The following GNB1 variants were observed in gnomAD, a reference collection of about 807,000 sequenced individuals.
GNB1 encodes G protein subunit beta 1.
A neutral mutation model predicts 42.9 loss-of-function variants in GNB1; 2 were observed. That is an observed-to-expected ratio of 0.05 (90% CI 0.02 to 0.15). The LOEUF is 0.15. Ranked by LOEUF, GNB1 falls within the 10% of genes least tolerant of loss-of-function variation. The pLI is 1.00. For synonymous variants in GNB1, 183 were observed against 174.7 expected, an observed-to-expected ratio of 1.05 and a Z score of -0.38; for missense variants, 193 against 462.2, an observed-to-expected ratio of 0.42 and a Z score of 5.34.
At chr1:1,849,703 T>C (rs1302985431) in intron 1 of GNB1, among the ~76,000 whole-genome samples, 1 of 152,068 alleles carries the variant, frequency 6.6e-6, no homozygotes, top group Non-Finnish European at 1.5e-5. Context: ...GCCTGGCCTG[T>C]ATGAAATACT....
At chr1:1,885,059 C>T (rs1378596650) in intron 1 of GNB1, among the ~76,000 whole-genome samples, 1 of 151,750 alleles carries the variant, frequency 6.6e-6, no homozygotes, top group Admixed American at 6.6e-5. Context: ...AAGTTTGGAG[C>T]AATGAATTAT....
chr1:1,886,029 C>T lies in GNB1; in HGVS notation c.-96+4791G>A, dbSNP rs1300946973. ...AGGTTTAAAAAAGCTTTCAGCATTC[C>T]GGCAGGGCACGGTGGCTCACGCCTG... On this transcript the variant is annotated intron_variant, in intron 1 of 11. Coordinates refer to ENST00000378609, the MANE Select transcript of GNB1 (RefSeq NM_002074.5). Among the ~76,000 whole-genome samples, 6 of 151,418 alleles carry T rather than the reference C, an allele frequency of 4.0e-5. No individual in the cohort carries two copies. The East Asian group carries it at 9.7e-4, about 25-fold the overall frequency.
At position 1,841,503 on chromosome 1, in the gene GNB1, C is replaced by T. The variant is rs566080242; in HGVS notation, c.-95-2265G>A. Among the ~76,000 whole-genome samples the T allele has an allele frequency of 1.3e-4, 20 of 152,308 alleles. 1 individual carries two copies. Among genetic ancestry groups the T allele is most frequent in the African/African-American group, 3.4e-4 (14 of 41,566 alleles). ...CCTGATTTCAGAACATTTAAAGATG[C>T]TTCTGTAATCGCTCCCTCAAATTAA... is the stretch of plus-strand genomic sequence containing the variant. On this transcript the variant is annotated intron_variant, in intron 1 of 11. Coordinates refer to ENST00000378609, the MANE Select transcript of GNB1 (RefSeq NM_002074.5).
At chr1:1,806,324 A>C (rs557288106) in intron 6 of GNB1, 151 bp downstream of exon 6, 1 of 562,558 alleles carries the variant, frequency 1.8e-6, no homozygotes, top group African/African-American at 1.9e-5. Flanking sequence ...CTCAGCTTCT[A>C]TCTCACCTGC....
chr1:1,831,071 G>A (rs1647069395), intron 2 of GNB1, among the ~76,000 whole-genome samples: 2 of 152,152 alleles, frequency 1.3e-5, no homozygotes, highest in South Asian at 2.1e-4. Flanking sequence ...AGGCTTAGGT[G>A]GGAGAACGGC....
chr1:1,822,454 C>G (rs547118911), intron 3 of GNB1, among the ~76,000 whole-genome samples: 1 of 151,798 alleles, frequency 6.6e-6, no homozygotes, highest in African/African-American at 2.4e-5. Context: ...AGGCGCCCAC[C>G]ACCACCACAC....
chr1:1,814,970 A>T lies in GNB1; in HGVS notation c.203+786T>A, dbSNP rs372999251. 2.0e-5 allele frequency among the ~76,000 whole-genome samples: 3 copies of T among 151,812 alleles called. No individual in the cohort carries two copies. The East Asian group carries it at 5.8e-4, about 29-fold the overall frequency. On this transcript the variant is annotated intron_variant, in intron 5 of 11. Transcript: ENST00000378609. The stretch of plus-strand genomic sequence containing the variant: ...TACTAAAAATACAAAAAAATTAGCC[A>T]GTGTGGTGGCAGGCGCCTGTAGTCC...
chr1:1,856,929 A>C (rs917048017), intron 1 of GNB1, among the ~76,000 whole-genome samples: 22 of 152,240 alleles, frequency 1.4e-4, no homozygotes, highest in African/African-American at 5.3e-4. Flanking sequence ...TATCCTACAA[A>C]ACAGTAATAC....
At chr1:1,802,152 C>G (rs1646634746) in intron 7 of GNB1, among the ~76,000 whole-genome samples, 1 of 152,130 alleles carries the variant, frequency 6.6e-6, no homozygotes, top group African/African-American at 2.4e-5. Context: ...CATAGAAAGA[C>G]ACAGAATATT....
chr1:1,815,616 C>T, intron 5 of GNB1, 140 bp downstream of exon 5: 1 of 608,272 alleles, frequency 1.6e-6, no homozygotes, highest in Non-Finnish European at 3.0e-6. Context: ...AACGCTGCAC[C>T]TTGCGTGCCC....
intron 1 of GNB1, among the ~76,000 whole-genome samples, chr1:1,847,250 T>C (rs1647718524): frequency 6.6e-6 from 1 of 152,162 alleles, no homozygotes; most frequent in South Asian, 2.1e-4. Context: ...GGGGAAGAGA[T>C]AAACACCAGT....
chr1:1,851,583 T>A (rs1019186766), intron 1 of GNB1, among the ~76,000 whole-genome samples: 7 of 151,766 alleles, frequency 4.6e-5, no homozygotes, highest in Middle Eastern at 3.4e-3. Context: ...AAATTTAATT[T>A]AAAAAAATAT....
At chr1:1,832,719 C>T (rs1477259591) in intron 2 of GNB1, among the ~76,000 whole-genome samples, 2 of 152,208 alleles carry the variant, frequency 1.3e-5, no homozygotes, top group East Asian at 3.9e-4. Context: ...GCCCTCAGGA[C>T]CCCATATTAC....
intron 1 of GNB1, among the ~76,000 whole-genome samples, chr1:1,853,072 A>G (rs912768868): frequency 3.3e-5 from 5 of 152,074 alleles, no homozygotes; most frequent in Admixed American, 1.3e-4. Context: ...CCTGCAGCAC[A>G]GACTCAAGCC....
Position 1,790,386 on chromosome 1 carries a change from C to A in GNB1, c.699+9G>T. On this transcript the variant is annotated intron_variant, in intron 9 of 11. Transcript: ENST00000378609. This position sits in a 1 kb window ranked among gnomAD's most constrained non-coding sequence, Gnocchi z 5.4. ...GAGGACCCGACCCCACACCTCCACC[C>A]AGACTCACGCAAATGGCATTGATGT... The A allele has an allele frequency of 6.2e-7, 1 of 1,603,870 alleles. No individual in the cohort carries two copies. The highest frequency in any genetic ancestry group is 8.5e-7 in the Non-Finnish European group (1 of 1,170,664).
At position 1,865,218 on chromosome 1, in the gene GNB1, C is replaced by T. The variant is rs148246829; in HGVS notation, c.-96+25602G>A. On this transcript the variant is annotated intron_variant, in intron 1 of 11. Transcript: ENST00000378609. ...CAGAGGTGGCAGTGAGCAGAGATCA[C>T]GCCACAGAACTCCAGCCTGGGTGAC... Among the ~76,000 whole-genome samples the T allele has an allele frequency of 6.9e-3, 957 of 139,656 alleles. 7 individuals carry two copies. The highest frequency in any genetic ancestry group is 0.011 in the Non-Finnish European group (722 of 65,136). The allele number at this position is 139,656 out of a possible 152,430, so 91.6% of individuals were successfully genotyped here.
intron 1 of GNB1, among the ~76,000 whole-genome samples, chr1:1,849,598 C>T (rs1052226334): frequency 3.3e-5 from 5 of 152,046 alleles, no homozygotes; most frequent in Non-Finnish European, 7.4e-5. Flanking sequence ...GATGAAGTCT[C>T]GCTATGTTGC....
chr1:1,815,328 C>T (rs1358333229), intron 5 of GNB1, among the ~76,000 whole-genome samples: 3 of 152,074 alleles, frequency 2.0e-5, no homozygotes, highest in South Asian at 2.1e-4. Context: ...TCAGGATCCT[C>T]GGGGCAGGTT....
In GNB1 at chr1:1,806,435, T is replaced by C. The variant is rs191914515; in HGVS notation, c.267+40A>G. 2.6e-4 allele frequency: 311 copies of C among 1,195,464 alleles called. 1 individual carries two copies. In the African/African-American group the frequency reaches 4.0e-3, roughly 15 times the overall value. The allele number at this position is 1,195,464 out of a possible 1,614,324, so 74.1% of individuals were successfully genotyped here. A position where few individuals can be genotyped will look rare whatever the true frequency, so the allele number is the denominator to read the frequency against. On this transcript the variant is annotated intron_variant, in intron 6 of 11. Transcript: ENST00000378609. ...ATCCAGAGCTTAAAACCCTGTTTCC[T>C]GGGTTGGTTTTTCAAGGAAGGGAAT...
Sources: allele counts gnomAD v4.1 joint callset (sites outside exome capture counted in the v4.1 genomes callset), GRCh38; gene constraint gnomAD v4.1.1; non-coding constraint Gnocchi (gnomAD v3.1); transcripts MANE v1.5; gene names NCBI Gene and HGNC (gene_info 2026-07-23, HGNC 2026-07-21).